Variants in GRIP1 observed in about 807,000 individuals in gnomAD.
GRIP1 encodes glutamate receptor-interacting protein 1.
A neutral mutation model predicts 129.9 loss-of-function variants in GRIP1; 45 were observed. The ratio of observed to expected loss-of-function variants is 0.35; its 90% confidence interval spans 0.27 to 0.44. The LOEUF (loss-of-function observed/expected upper bound fraction) is 0.44. Ranked by LOEUF, GRIP1 falls within the 20% of genes least tolerant of loss-of-function variation. GRIP1 has a pLI of 1.00. For synonymous variants in GRIP1, 530 were observed against 520.8 expected (o/e 1.02, Z -0.24); for missense variants, 1,196 against 1,396.8 (o/e 0.86, Z 2.29).
intron 1 of GRIP1, 96 bp downstream of exon 1, chr12:66,678,754 G>A: frequency 9.0e-7 from 1 of 1,105,052 alleles, no homozygotes; most frequent in Non-Finnish European, 1.4e-6. Flanking sequence ...ACAATAAATT[G>A]CAAAGGCAGT....
In GRIP1 at chr12:66,392,687, T is replaced by C. The variant is rs1239769060; in HGVS notation, c.2259A>G (p.Lys753=). 1.2e-6 allele frequency: 2 copies of C among 1,614,122 alleles called. No homozygotes were observed. Among genetic ancestry groups the C allele is most frequent in the Non-Finnish European group, 1.7e-6 (2 of 1,179,962 alleles). ...AGETVTLKIK[K]QTDAQSASSP... ...CAATTCACTACTCACCATCTGTCTG[T>C]TTCTTAATTTTCAAGGTGACAGTCT... Residue 753 remains lysine (K), a synonymous_variant, in exon 18 of 25, where the codon AAA becomes AAG. Transcript: ENST00000359742.
chr12:66,371,158 A>ATT (rs561040544), intron 23 of GRIP1, among the ~76,000 whole-genome samples: 11,131 of 134,908 alleles, frequency 0.083, 689 homozygotes, highest in Admixed American at 0.14. Context: ...GCCATAAATA[A>ATT]TTTTTTTTTT....
chr12:66,714,623 G>A (rs2035812112), intron 1 of GRIP1, among the ~76,000 whole-genome samples: 1 of 151,830 alleles, frequency 6.6e-6, no homozygotes. Context: ...AATAATCATG[G>A]CATTTTCATG....
chr12:66,742,716 T>C (rs1274705175), intron 1 of GRIP1, among the ~76,000 whole-genome samples: 3 of 152,076 alleles, frequency 2.0e-5, no homozygotes, highest in East Asian at 3.8e-4. Flanking sequence ...AGGAAGTGGC[T>C]GCTCCTTCCC....
At chr12:66,449,534 T>C (rs1004200887) in intron 11 of GRIP1, among the ~76,000 whole-genome samples, 1 of 152,194 alleles carries the variant, frequency 6.6e-6, no homozygotes, top group Non-Finnish European at 1.5e-5. Context: ...GGGGTGAAGA[T>C]AGCCTCCAAC....
chr12:66,491,905 G>A (rs147153649), intron 7 of GRIP1, among the ~76,000 whole-genome samples: 75 of 152,204 alleles, frequency 4.9e-4, no homozygotes, highest in East Asian at 4.8e-3. Context: ...ACAGAAAGTC[G>A]GATTCCTCCT....
intron 1 of GRIP1, among the ~76,000 whole-genome samples, chr12:66,958,081 T>G (rs1566094659): frequency 1.3e-5 from 2 of 152,168 alleles, no homozygotes; most frequent in African/African-American, 2.4e-5. Context: ...CTTTGGTCAT[T>G]GGGAGCTCTT....
intron 1 of GRIP1, among the ~76,000 whole-genome samples, chr12:67,020,488 G>A (rs1027617532): frequency 9.9e-5 from 15 of 152,222 alleles, no homozygotes; most frequent in African/African-American, 3.4e-4. Flanking sequence ...GCTCACTGCA[G>A]TCTTGGACTC....
At chr12:66,527,442 T>C (rs373991883) in intron 5 of GRIP1, among the ~76,000 whole-genome samples, 1 of 151,340 alleles carries the variant, frequency 6.6e-6, no homozygotes, top group African/African-American at 2.4e-5. Flanking sequence ...AACCAAACAC[T>C]GCATGTTCTC....
At chr12:66,992,680 A>G (rs1415456898) in intron 1 of GRIP1, among the ~76,000 whole-genome samples, 4 of 152,248 alleles carry the variant, frequency 2.6e-5, no homozygotes, top group Admixed American at 6.5e-5. Context: ...AATCCTAAAA[A>G]TATATTTTAA....
chr12:66,930,055 C>CTCTCTCT (rs67075541), intron 1 of GRIP1, among the ~76,000 whole-genome samples: 12,851 of 128,384 alleles, frequency 0.1, 894 homozygotes, highest in Non-Finnish European at 0.16. Context: ...CTCTCTCTCT[C>CTCTCTCT]TTTTTTTTTT....
intron 1 of GRIP1, among the ~76,000 whole-genome samples, chr12:66,743,820 C>CT (rs1565998898): frequency 6.6e-6 from 1 of 152,186 alleles, no homozygotes; most frequent in African/African-American, 2.4e-5. Context: ...GCCACAAGGG[C>CT]TACAGCTATG....
upstream of GRIP1, among the ~76,000 whole-genome samples, chr12:66,807,830 AT>A (rs2039025363): frequency 6.6e-6 from 1 of 151,816 alleles, no homozygotes; most frequent in South Asian, 2.1e-4. Context: ...AATTAAACCT[AT>A]TTTTTATACA....
intron 1 of GRIP1, among the ~76,000 whole-genome samples, chr12:66,624,419 GAAGTA>G (rs1447102504): frequency 6.6e-6 from 1 of 152,222 alleles, no homozygotes; most frequent in East Asian, 1.9e-4. Flanking sequence ...AAAAAAATTA[GAAGTA>G]AAGTAACATT....
At chr12:66,601,767 G>C (rs888378032) in intron 1 of GRIP1, among the ~76,000 whole-genome samples, 1 of 152,172 alleles carries the variant, frequency 6.6e-6, no homozygotes, top group Admixed American at 6.5e-5. Flanking sequence ...TTACAAACTT[G>C]AAAGAAAAGT....
intron 1 of GRIP1, among the ~76,000 whole-genome samples, chr12:67,039,504 TCTCTAA>T (rs1163868915): frequency 1.3e-5 from 2 of 152,198 alleles, no homozygotes; most frequent in African/African-American, 2.4e-5. Context: ...ACAGCTGGGC[TCTCTAA>T]CTCTATTTAA....
intron 1 of GRIP1, among the ~76,000 whole-genome samples, chr12:66,949,617 CTTA>C (rs1264889509): frequency 1.3e-5 from 2 of 152,018 alleles, no homozygotes; most frequent in African/African-American, 4.8e-5. Flanking sequence ...GACAAATTGT[CTTA>C]TTTTAAAAAG....
chr12:66,795,693 A>G (rs1372831999), intron 1 of GRIP1, among the ~76,000 whole-genome samples: 2 of 152,212 alleles, frequency 1.3e-5, no homozygotes, highest in Non-Finnish European at 2.9e-5. Flanking sequence ...CAATAGCAAT[A>G]TAAAGGGTCT....
intron 1 of GRIP1, among the ~76,000 whole-genome samples, chr12:67,008,358 A>G (rs943303856): frequency 2.0e-5 from 3 of 152,200 alleles, no homozygotes; most frequent in African/African-American, 7.2e-5. Flanking sequence ...AAATCCATCC[A>G]CCATATTGCA....
Sources: gnomAD v4.1 joint callset for allele counts (sites outside exome capture counted in the v4.1 genomes callset) on GRCh38, gnomAD v4.1.1 for gene constraint, MANE v1.5 for transcripts, NCBI Gene and HGNC (gene_info 2026-07-23, HGNC 2026-07-21) for gene names.